Variants in SEMA6D observed in about 807,000 individuals in gnomAD.
The protein encoded by SEMA6D is semaphorin 6D, also known as semaphorin-6D.
A neutral mutation model predicts 106.6 loss-of-function variants in SEMA6D; 35 were observed. The observed-to-expected ratio is 0.33, with a 90% confidence interval of 0.25 to 0.44. The LOEUF is 0.44. Ranked by LOEUF, SEMA6D falls within the 20% of genes least tolerant of loss-of-function variation. The probability of loss-of-function intolerance (pLI) is 1.00; values close to 1 mark genes in which losing one functional copy is unlikely to be tolerated. For missense variants in SEMA6D, 1,185 were observed against 1,345.9 expected, an observed-to-expected ratio of 0.88 and a Z score of 1.87; for synonymous variants, 499 against 487.7, an observed-to-expected ratio of 1.02 and a Z score of -0.31.
intron 1 of SEMA6D, among the ~76,000 whole-genome samples, chr15:47,756,048 T>G (rs2081710756): frequency 6.6e-6 from 1 of 152,064 alleles, no homozygotes; most frequent in Admixed American, 6.6e-5. Flanking sequence ...ATATTTAGTA[T>G]TTAACATTAG....
intron 4 of SEMA6D, among the ~76,000 whole-genome samples, chr15:47,689,372 G>A (rs1347709116): frequency 7.2e-5 from 11 of 152,190 alleles, no homozygotes; most frequent in Non-Finnish European, 1.5e-5. Flanking sequence ...AGTAGTAAAA[G>A]CTGATTGGCT....
intron 1 of SEMA6D, among the ~76,000 whole-genome samples, chr15:47,364,889 A>G (rs1379044089): frequency 1.3e-5 from 2 of 152,204 alleles, no homozygotes; most frequent in Admixed American, 6.5e-5. Flanking sequence ...GCTGCACAGT[A>G]GGAGTATTGC....
chr15:47,394,490 A>G (rs1256068474), intron 1 of SEMA6D, among the ~76,000 whole-genome samples: 1 of 152,162 alleles, frequency 6.6e-6, no homozygotes, highest in African/African-American at 2.4e-5. Flanking sequence ...AACAGCCTTT[A>G]ACTTCATGTG....
intron 1 of SEMA6D, among the ~76,000 whole-genome samples, chr15:47,377,146 A>C (rs950862684): frequency 6.6e-6 from 1 of 152,222 alleles, no homozygotes; most frequent in Non-Finnish European, 1.5e-5. Flanking sequence ...TTAAATTTTA[A>C]ATGAGCAAAT....
chr15:47,337,443 C>G (rs981984392), intron 1 of SEMA6D, among the ~76,000 whole-genome samples: 4 of 152,104 alleles, frequency 2.6e-5, no homozygotes, highest in Admixed American at 1.3e-4. Flanking sequence ...TGGGTCTTGA[C>G]AGGAATAGGC....
chr15:47,770,538 G>T lies in SEMA6D; in HGVS notation c.1975G>T (p.Val659Phe). The change falls in exon 19 of 19, where the codon GTC becomes TTC. Residue 659 changes from valine to phenylalanine, a missense_variant. This residue lies in a region of SEMA6D where 750 missense variants were observed against 783.5 expected (regional missense o/e 0.96). Coordinates refer to ENST00000536845, the MANE Select transcript of SEMA6D (RefSeq NM_001358351.3). ...EVQSGESNQM[V>F]HMNVLITCVF... ...CCAGTCTGGAGAGTCCAACCAGATGGTCCACATGAATGTCCTCATCACCTG... is the reference window on the plus strand; with the variant it reads ...CCAGTCTGGAGAGTCCAACCAGATGTTCCACATGAATGTCCTCATCACCTG... The T allele has an allele frequency of 6.2e-7, 1 of 1,610,910 alleles. No homozygotes were observed. The highest frequency in any genetic ancestry group is 8.5e-7 in the Non-Finnish European group (1 of 1,177,492).
chr15:47,330,897 G>A (rs1458463982), intron 1 of SEMA6D, among the ~76,000 whole-genome samples: 1 of 152,144 alleles, frequency 6.6e-6, no homozygotes, highest in Non-Finnish European at 1.5e-5. Flanking sequence ...CAGAGGTAAT[G>A]TTCATCAAGA....
At chr15:47,570,950 C>T (rs1042552426) in intron 3 of SEMA6D, among the ~76,000 whole-genome samples, 2 of 152,154 alleles carry the variant, frequency 1.3e-5, no homozygotes, top group African/African-American at 4.8e-5. Context: ...TTTTTGGGCT[C>T]TCCAAAATAT....
intron 1 of SEMA6D, among the ~76,000 whole-genome samples, chr15:47,233,896 A>C (rs1034555045): frequency 1.3e-5 from 2 of 152,002 alleles, no homozygotes; most frequent in African/African-American, 4.8e-5. Context: ...TTCAAACTGC[A>C]TGTCTTTTAT....
intron 1 of SEMA6D, among the ~76,000 whole-genome samples, chr15:47,376,188 G>A (rs2039443253): frequency 6.6e-6 from 1 of 152,184 alleles, no homozygotes; most frequent in Non-Finnish European, 1.5e-5. Flanking sequence ...CCGAAGGGTT[G>A]GGCAGTGCTT....
chr15:47,758,880 C>T (rs1172938260), intron 1 of SEMA6D, among the ~76,000 whole-genome samples: 1 of 152,162 alleles, frequency 6.6e-6, no homozygotes, highest in African/African-American at 2.4e-5. Flanking sequence ...TTCAGTGAGT[C>T]CTTTAATTTT....
chr15:47,730,796 T>C, intron 1 of SEMA6D: 1 of 1,590,832 alleles, frequency 6.3e-7, no homozygotes. Flanking sequence ...AGGTCTCTTT[T>C]GGGCTGGATG....
At chr15:47,254,875 T>TGTGTGTGTG (rs375376803) in intron 1 of SEMA6D, among the ~76,000 whole-genome samples, 17 of 134,308 alleles carry the variant, frequency 1.3e-4, no homozygotes, top group Non-Finnish European at 2.1e-4. Context: ...ACCTGTGGTT[T>TGTGTGTGTG]TGTGTGTGTG....
At chr15:47,418,764 G>A (rs1448102097) in intron 2 of SEMA6D, among the ~76,000 whole-genome samples, 1 of 151,992 alleles carries the variant, frequency 6.6e-6, no homozygotes, top group Non-Finnish European at 1.5e-5. Flanking sequence ...GAGAGGATAG[G>A]GTCCTGTGCC....
intron 2 of SEMA6D, among the ~76,000 whole-genome samples, chr15:47,436,864 G>A (rs1367213926): frequency 2.0e-5 from 3 of 150,164 alleles, no homozygotes; most frequent in African/African-American, 4.9e-5. Context: ...AACCCAGAAG[G>A]TTGAGGTTGC....
intron 1 of SEMA6D, among the ~76,000 whole-genome samples, chr15:47,230,192 A>C (rs952531052): frequency 2.0e-5 from 3 of 152,108 alleles, no homozygotes; most frequent in African/African-American, 7.2e-5. Flanking sequence ...TAGGTCTGCC[A>C]GGATTTTTTG....
intron 2 of SEMA6D, among the ~76,000 whole-genome samples, chr15:47,427,940 AG>A (rs2041396601): frequency 6.6e-6 from 1 of 152,128 alleles, no homozygotes; most frequent in Non-Finnish European, 1.5e-5. Flanking sequence ...TATTCTTCTT[AG>A]GGAAAAGATA....
chr15:47,260,075 C>T (rs1241142585), intron 1 of SEMA6D, among the ~76,000 whole-genome samples: 1 of 149,576 alleles, frequency 6.7e-6, no homozygotes, highest in Non-Finnish European at 1.5e-5. Context: ...ATTTATATTT[C>T]TTTGCTGATA....
chr15:47,419,281 T>G (rs2041076386), intron 2 of SEMA6D, among the ~76,000 whole-genome samples: 1 of 152,074 alleles, frequency 6.6e-6, no homozygotes, highest in Non-Finnish European at 1.5e-5. Flanking sequence ...TGGAAGTGAG[T>G]GGCTCAAGAA....
Sources: allele counts gnomAD v4.1 joint callset (sites outside exome capture counted in the v4.1 genomes callset), GRCh38; gene constraint gnomAD v4.1.1; regional missense constraint gnomAD v4.1.1; transcripts MANE v1.5; gene names NCBI Gene and HGNC (gene_info 2026-07-23, HGNC 2026-07-21).